SGMS2: variants seen among roughly 807,000 people sequenced by gnomAD.
The protein encoded by SGMS2 is phosphatidylcholine:ceramide cholinephosphotransferase 2.
A neutral mutation model predicts 43.8 loss-of-function variants in SGMS2; 21 were observed. The observed-to-expected ratio is 0.48, with a 90% CI of 0.34 to 0.69. The LOEUF is 0.69. SGMS2 is among the 30% of genes least tolerant of loss of function. SGMS2 has a pLI of 0.01. For missense variants in SGMS2, 384 were observed against 443.2 expected (o/e 0.87, Z 1.20); for synonymous variants, 167 against 160.6 (o/e 1.04, Z -0.30).
At chr4:107,881,826 T>C (rs1729380054) in intron 2 of SGMS2, among the ~76,000 whole-genome samples, 1 of 152,172 alleles carries the variant, frequency 6.6e-6, no homozygotes, top group South Asian at 2.1e-4. Flanking sequence ...AGTTCAATTG[T>C]TTTAATTTTT....
Position 107,910,558 on chromosome 4 carries a change from C to A in SGMS2, c.*5C>A. 1 of 1,613,270 alleles carries A rather than the reference C, an allele frequency of 6.2e-7. No homozygotes were observed. The highest frequency in any genetic ancestry group is 8.5e-7 in the Non-Finnish European group (1 of 1,179,594). On this transcript the variant is annotated 3_prime_UTR_variant, in exon 7 of 7. Transcript: ENST00000690982. ...GACAATGAGAAATCGACCTGAGGAG[C>A]AAAACAAAGGCATCAGCTCTTACAC...
At chr4:107,898,603 C>CAAA (rs1730869195) in intron 3 of SGMS2, among the ~76,000 whole-genome samples, 1 of 152,130 alleles carries the variant, frequency 6.6e-6, no homozygotes, top group Non-Finnish European at 1.5e-5. Flanking sequence ...CTCTTAATCC[C>CAAA]CAGAGCCCAG....
chr4:107,853,305 T>A (rs1257097451), intron 1 of SGMS2, among the ~76,000 whole-genome samples: 7 of 152,238 alleles, frequency 4.6e-5, no homozygotes. Context: ...CAGTCTGCAT[T>A]GGGCAGAGAG....
chr4:107,862,882 A>T (rs1447977601), intron 2 of SGMS2, among the ~76,000 whole-genome samples: 1 of 152,202 alleles, frequency 6.6e-6, no homozygotes, highest in African/African-American at 2.4e-5. Context: ...ATGTCTAACC[A>T]TGATGTTTCC....
rs1020739061 is a variant in SGMS2 at position 107,914,408 on chromosome 4, ATTAT to A, written c.*3859_*3862del. ...TAATCTAATTGCCAAGTTAGAATTC[ATTAT>A]TTAATTTACCTCCTATGCAATGATT... On this transcript the variant is annotated 3_prime_UTR_variant, in exon 7 of 7. Transcript: ENST00000690982. 6.6e-6 allele frequency: 1 copy of A among 152,156 alleles called. No homozygotes were observed. The highest frequency in any genetic ancestry group is 2.4e-5 in the African/African-American group (1 of 41,456). 9.4% of individuals were successfully genotyped at this position (152,156 alleles called of 1,614,324 possible).
At chr4:107,905,968 T>G (rs552813652) in intron 5 of SGMS2, among the ~76,000 whole-genome samples, 5 of 152,328 alleles carry the variant, frequency 3.3e-5, no homozygotes, top group African/African-American at 9.6e-5. Flanking sequence ...TTCTCCAATA[T>G]TTGATTAGAA....
chr4:107,843,814 A>C (rs1393448672), intron 1 of SGMS2, among the ~76,000 whole-genome samples: 1 of 152,212 alleles, frequency 6.6e-6, no homozygotes, highest in African/African-American at 2.4e-5. Context: ...AAACACCAAA[A>C]AAGTTTCAAA....
intron 2 of SGMS2, among the ~76,000 whole-genome samples, chr4:107,880,398 A>G (rs1729245534): frequency 6.6e-6 from 1 of 152,212 alleles, no homozygotes; most frequent in African/African-American, 2.4e-5. Flanking sequence ...ATCTCCTGTC[A>G]GTTTTCAAGA....
At chr4:107,827,362 T>C (rs1725650341) in intron 1 of SGMS2, among the ~76,000 whole-genome samples, 1 of 152,120 alleles carries the variant, frequency 6.6e-6, no homozygotes, top group African/African-American at 2.4e-5. Flanking sequence ...ACCCCAAAGC[T>C]TATAGTCCAG....
intron 2 of SGMS2, among the ~76,000 whole-genome samples, chr4:107,882,075 G>A (rs996793766): frequency 2.0e-5 from 3 of 152,166 alleles, no homozygotes; most frequent in African/African-American, 7.2e-5. Flanking sequence ...AAACATGGGA[G>A]TGCAGATATC....
intron 5 of SGMS2, among the ~76,000 whole-genome samples, chr4:107,905,170 A>G (rs1259155712): frequency 1.3e-5 from 2 of 152,206 alleles, no homozygotes; most frequent in African/African-American, 2.4e-5. Context: ...GGTTTAGTGG[A>G]CTCACAGTTC....
In SGMS2 at chr4:107,895,999, TGA is replaced by T. The variant is rs754477352; in HGVS notation, c.449_450del (p.Arg150IlefsTer147). On this transcript the variant is annotated frameshift_variant, in exon 3 of 7. Coordinates refer to ENST00000690982, the MANE Select transcript of SGMS2 (RefSeq NM_001375905.1). LOFTEE classifies it high-confidence loss of function. ...TTATGGATCACCCAGTGGCTGTTTC[TGA>T]GATACAAGTAAGTAAATCTAATGTT... 1 of 1,609,142 alleles carries T rather than the reference TGA, an allele frequency of 6.2e-7. No homozygotes were observed. The highest frequency in any genetic ancestry group is 1.1e-5 in the South Asian group (1 of 90,812).
chr4:107,848,443 A>G (rs984912607), intron 1 of SGMS2, among the ~76,000 whole-genome samples: 2 of 152,162 alleles, frequency 1.3e-5, no homozygotes, highest in African/African-American at 4.8e-5. Flanking sequence ...AAGGAGAACT[A>G]TTGCCTTGTC....
chr4:107,896,967 A>G (rs1195899386), intron 3 of SGMS2, among the ~76,000 whole-genome samples: 2 of 152,234 alleles, frequency 1.3e-5, no homozygotes, highest in African/African-American at 4.8e-5. Flanking sequence ...AATGTAATGT[A>G]TGCTAACTTG....
chr4:107,905,178 T>G (rs1017783487), intron 5 of SGMS2, among the ~76,000 whole-genome samples: 1 of 152,170 alleles, frequency 6.6e-6, no homozygotes, highest in Non-Finnish European at 1.5e-5. Flanking sequence ...GGACTCACAG[T>G]TCCACGTGGC....
intron 3 of SGMS2, among the ~76,000 whole-genome samples, chr4:107,897,624 GTTA>G (rs143237309): frequency 0.026 from 3,884 of 152,232 alleles, 60 homozygotes; most frequent in Middle Eastern, 0.037. Context: ...TCATTAGATA[GTTA>G]TTATTAACTG....
intron 3 of SGMS2, among the ~76,000 whole-genome samples, chr4:107,899,315 C>T (rs1212467842): frequency 6.6e-6 from 1 of 152,146 alleles, no homozygotes; most frequent in Admixed American, 6.5e-5. Flanking sequence ...CACACACACA[C>T]ATCCTTTGGA....
At chr4:107,834,222 G>A (rs1016243376) in intron 1 of SGMS2, among the ~76,000 whole-genome samples, 1 of 152,226 alleles carries the variant, frequency 6.6e-6, no homozygotes, top group Non-Finnish European at 1.5e-5. Flanking sequence ...GACACATTAA[G>A]TATAGCAAGG....
chr4:107,874,487 T>G (rs1198454848), intron 2 of SGMS2, among the ~76,000 whole-genome samples: 1 of 152,218 alleles, frequency 6.6e-6, no homozygotes, highest in African/African-American at 2.4e-5. Context: ...TAAAGAACCT[T>G]ATTTTTCCCT....
Sources: allele counts gnomAD v4.1 joint callset (sites outside exome capture counted in the v4.1 genomes callset), GRCh38; gene constraint gnomAD v4.1.1; transcripts MANE v1.5; gene names NCBI Gene and HGNC (gene_info 2026-07-23, HGNC 2026-07-21).